TPD52L2: variants seen among roughly 807,000 people sequenced by gnomAD.
TPD52L2 encodes the protein tumor protein D54.
A neutral mutation model predicts 24.7 loss-of-function variants in TPD52L2; 19 were observed. The ratio of observed to expected loss-of-function variants is 0.77; its 90% confidence interval spans 0.54 to 1.13. The LOEUF (loss-of-function observed/expected upper bound fraction) is 1.13, where lower values mean the gene tolerates loss of function less well. Ranked by LOEUF, TPD52L2 falls within the 50% of genes most tolerant of loss-of-function variation. The probability of loss-of-function intolerance (pLI) is 0.00; values close to 1 mark genes in which losing one functional copy is unlikely to be tolerated. For synonymous variants in TPD52L2, 104 were observed against 100.2 expected (o/e 1.04, Z -0.23); for missense variants, 236 against 250.4 (o/e 0.94, Z 0.39).
intron 2 of TPD52L2, among the ~76,000 whole-genome samples, chr20:63,869,797 C>CT (rs2052392706): frequency 6.6e-6 from 1 of 152,240 alleles, no homozygotes; most frequent in Non-Finnish European, 1.5e-5. Context: ...CCCCATGAAT[C>CT]TTTCTTGTCC....
intron 5 of TPD52L2, 128 bp downstream of exon 5, chr20:63,882,948 A>G: frequency 1.4e-6 from 1 of 696,246 alleles, no homozygotes; most frequent in East Asian, 2.7e-5. Context: ...GTGGCCATCC[A>G]TCATGGCCCC....
intron 5 of TPD52L2, among the ~76,000 whole-genome samples, chr20:63,886,286 CA>C (rs2053096005): frequency 6.6e-6 from 1 of 152,120 alleles, no homozygotes; most frequent in Non-Finnish European, 1.5e-5. Flanking sequence ...TGCTTCCCTT[CA>C]GGCTCACAGA....
chr20:63,886,634 C>T (rs1325655270), intron 5 of TPD52L2, among the ~76,000 whole-genome samples: 1 of 151,282 alleles, frequency 6.6e-6, no homozygotes, highest in Non-Finnish European at 1.5e-5. Flanking sequence ...CAAGCGTGAG[C>T]CACCGCGCCC....
intron 1 of TPD52L2, among the ~76,000 whole-genome samples, 177 bp from the exon 2 acceptor site, chr20:63,869,119 G>C (rs961394332): frequency 6.6e-6 from 1 of 152,172 alleles, no homozygotes; most frequent in African/African-American, 2.4e-5. Context: ...GGTGGTCTGA[G>C]GTGTGGCTGC....
At chr20:63,884,622 A>C (rs2146234879) in intron 5 of TPD52L2, among the ~76,000 whole-genome samples, 1 of 152,304 alleles carries the variant, frequency 6.6e-6, no homozygotes, top group African/African-American at 2.4e-5. Flanking sequence ...GATGGGGAGA[A>C]AGGCTTTCGC....
chr20:63,868,714 C>T (rs562566073), intron 1 of TPD52L2, among the ~76,000 whole-genome samples: 1 of 152,190 alleles, frequency 6.6e-6, no homozygotes, highest in African/African-American at 2.4e-5. Context: ...GAGGCCAAGG[C>T]GGGCGGATCA....
Position 63,882,391 on chromosome 20 carries a change from C to T in TPD52L2, c.375-328C>T, listed in dbSNP as rs931144905. ...GAGGGGCTGTGAGAAGACAGGAAAG[C>T]GAGCTTAGTGGGTATCAGGCAAGGG... On this transcript the variant is annotated intron_variant, in intron 4 of 6. Transcript: ENST00000346249. 5.9e-5 allele frequency among the ~76,000 whole-genome samples: 9 copies of T among 152,240 alleles called. No individual in the cohort carries two copies. The East Asian group carries it at 1.5e-3, about 26-fold the overall frequency.
At position 63,873,813 on chromosome 20, in the gene TPD52L2, G is replaced by A. The variant is rs769696045; in HGVS notation, c.311G>A (p.Ser104Asn). The change falls in exon 3 of 7, where the codon AGC (serine) becomes AAC (asparagine). Residue 104 changes from serine to asparagine, a missense_variant. Coordinates refer to ENST00000346249, the MANE Select transcript of TPD52L2 (RefSeq NM_003288.4). ...AGCTGGCATGACGTGCAGGTCTCTA[G>A]CGCGTAGGTACCTGCCCCAGGCGCA... ...SRSWHDVQVSSAYVKTSEKLG... is the reference protein window; with the variant it reads ...SRSWHDVQVSNAYVKTSEKLG... 2.1e-5 allele frequency: 33 copies of A among 1,545,014 alleles called. No individual in the cohort carries two copies. Among genetic ancestry groups the A allele is most frequent in the Admixed American group, 6.8e-5 (3 of 44,318 alleles).
chr20:63,869,383 C>T lies in TPD52L2; in HGVS notation c.107C>T (p.Pro36Leu). ...GACACAGGTGTGGCTGCCCGGACTC[C>T]TGCTGTTGAGGGTCTGACAGAGGCT... ...PVDTGVAART[P>L]AVEGLTEAEE... The change falls in exon 2 of 7, where the codon CCT becomes CTT. Residue 36 changes from proline (P) to leucine (L), a missense_variant. Physicochemically the swap from Pro to Leu is moderately conservative, Grantham distance 98 (BLOSUM62 -3). Coordinates refer to ENST00000346249, the MANE Select transcript of TPD52L2 (RefSeq NM_003288.4). 1 of 1,614,232 alleles carries T rather than the reference C, an allele frequency of 6.2e-7. No homozygotes were observed. Among genetic ancestry groups the T allele is most frequent in the Non-Finnish European group, 8.5e-7 (1 of 1,180,048 alleles).
chr20:63,873,751 C>G lies in TPD52L2; in HGVS notation c.249C>G (p.Leu83=). 1.9e-6 allele frequency: 3 copies of G among 1,604,844 alleles called. No homozygotes were observed. The highest frequency in any genetic ancestry group is 2.6e-6 in the Non-Finnish European group (3 of 1,176,334). Residue 83 remains leucine (L), a synonymous_variant, in exon 3 of 7, where the codon CTC becomes CTG. Transcript: ENST00000346249. ...GAGAGCTCAAGAGGAGGCTGGGCCT[C>G]TCCACCCTGGGGGAGCTGAAACAGA... The part of the protein sequence containing the change: ...HCGELKRRLG[L]STLGELKQNL...
In TPD52L2 at chr20:63,878,762, G is replaced by A. The variant is rs148646789; in HGVS notation, c.374+2887G>A. Among the ~76,000 whole-genome samples the A allele has an allele frequency of 5.2e-3, 798 of 152,328 alleles. 4 individuals carry two copies. The highest frequency in any genetic ancestry group is 0.018 in the African/African-American group (754 of 41,572). On this transcript the variant is annotated intron_variant, in intron 4 of 6. Coordinates refer to ENST00000346249, the MANE Select transcript of TPD52L2 (RefSeq NM_003288.4). ...AGCTCACTGGCAGTGGGACGAAACCGCTGTCTGTCCAGGGCTCTCTTCCTA... is the reference window on the plus strand; with the variant it reads ...AGCTCACTGGCAGTGGGACGAAACCACTGTCTGTCCAGGGCTCTCTTCCTA...
At chr20:63,886,509 C>G (rs1046714389) in intron 5 of TPD52L2, among the ~76,000 whole-genome samples, 29 of 152,034 alleles carry the variant, frequency 1.9e-4, no homozygotes, top group African/African-American at 5.5e-4. Context: ...CTACAGGCGC[C>G]CGCCGCCACG....
chr20:63,887,512 T>A (rs973012311), intron 5 of TPD52L2: 1 of 1,601,538 alleles, frequency 6.2e-7, no homozygotes, highest in Non-Finnish European at 8.6e-7. Context: ...TGTGTGTGGA[T>A]CTTGGTGTTA....
chr20:63,881,062 A>G (rs1371730484), intron 4 of TPD52L2, among the ~76,000 whole-genome samples: 1 of 151,954 alleles, frequency 6.6e-6, no homozygotes, highest in African/African-American at 2.4e-5. Context: ...ACGGTGGCTC[A>G]CACCTGTCAT....
chr20:63,887,648 C>G (rs1319994852), intron 5 of TPD52L2: 1 of 1,602,706 alleles, frequency 6.2e-7, no homozygotes, highest in African/African-American at 1.3e-5. Flanking sequence ...CCGGGTGTCT[C>G]TGGTGGGGGT....
chr20:63,882,189 T>G (rs1366148933), intron 4 of TPD52L2, among the ~76,000 whole-genome samples: 3 of 152,266 alleles, frequency 2.0e-5, no homozygotes, highest in Non-Finnish European at 4.4e-5. Context: ...CAGACGTGGT[T>G]GAGCTTGCAT....
chr20:63,871,818 G>A (rs959548953), intron 2 of TPD52L2, among the ~76,000 whole-genome samples: 4 of 151,826 alleles, frequency 2.6e-5, no homozygotes, highest in Non-Finnish European at 4.4e-5. Context: ...ATTTTTGGTA[G>A]AGACGGCCTT....
chr20:63,865,451 G>C (rs1171977088), intron 1 of TPD52L2, 67 bp downstream of exon 1: 1 of 1,488,700 alleles, frequency 6.7e-7, no homozygotes, highest in African/African-American at 1.4e-5. Flanking sequence ...CCGTCTCCCG[G>C]GGTCGCGTCT....
At chr20:63,886,484 T>C (rs1370853822) in intron 5 of TPD52L2, among the ~76,000 whole-genome samples, 2 of 148,778 alleles carry the variant, frequency 1.3e-5, no homozygotes, top group African/African-American at 2.5e-5. Flanking sequence ...CCTCAGCCTC[T>C]CCGAGTAGCT....
Sources: allele counts gnomAD v4.1 joint callset (sites outside exome capture counted in the v4.1 genomes callset), GRCh38; gene constraint gnomAD v4.1.1; transcripts MANE v1.5; gene names NCBI Gene and HGNC (gene_info 2026-07-23, HGNC 2026-07-21).